Variants in LRBA observed in about 807,000 individuals in gnomAD.
LRBA encodes the protein LPS responsive beige-like anchor protein.
LRBA carries 176 observed loss-of-function variants against 330.0 expected under a neutral mutation model. The observed-to-expected ratio is 0.53, with a 90% CI of 0.47 to 0.60. The LOEUF is 0.60. LRBA is among the 20% of genes least tolerant of loss of function. LRBA has a pLI of 0.00. For missense variants in LRBA, 3,259 were observed against 3,444.8 expected (o/e 0.95, Z 1.35); for synonymous variants, 1,230 against 1,193.0 (o/e 1.03, Z -0.64).
At chr4:150,943,459 C>T (rs1735894115) in intron 2 of LRBA, among the ~76,000 whole-genome samples, 1 of 152,152 alleles carries the variant, frequency 6.6e-6, no homozygotes, top group Non-Finnish European at 1.5e-5. Context: ...GATGATGTAA[C>T]ATATTTATGT....
At chr4:150,544,550 C>T (rs1765659270) in intron 40 of LRBA, among the ~76,000 whole-genome samples, 1 of 152,182 alleles carries the variant, frequency 6.6e-6, no homozygotes, top group African/African-American at 2.4e-5. Context: ...TCCCTGACCC[C>T]CAAATAGATT....
chr4:150,809,861 ATACGATACGATACG>A (rs1411799348), intron 31 of LRBA, among the ~76,000 whole-genome samples: 1 of 13,558 alleles, frequency 7.4e-5, no homozygotes, highest in African/African-American at 3.4e-4. Context: ...ATACGATACG[ATACGATACGATACG>A]ATACGATACG....
intron 37 of LRBA, among the ~76,000 whole-genome samples, chr4:150,630,741 C>G (rs1777294901): frequency 6.6e-6 from 1 of 152,064 alleles, no homozygotes; most frequent in Admixed American, 6.6e-5. Context: ...TGCACTGCAA[C>G]AAGCTCTGAA....
Position 150,806,286 on chromosome 4 carries a change from G to T in LRBA, c.5503C>A (p.Leu1835Ile). The T allele has an allele frequency of 1.3e-6, 2 of 1,588,622 alleles. No homozygotes were observed. The highest frequency in any genetic ancestry group is 4.6e-5 in the East Asian group (2 of 43,542). Residue 1835 changes from leucine to isoleucine, a missense_variant, in exon 33 of 57, where the codon CTT becomes ATT. Coordinates refer to ENST00000651943, the MANE Select transcript of LRBA (RefSeq NM_001364905.1). ...TLLGSHGQEL[L>I]IEGTSLVCMK... is the part of the protein sequence containing the mutation. ...AACCACTTACTTGTTCCTTCTATAA[G>T]CAGTTCTTGTCCATGGCTACCCAAA...
rs377014932 is a variant in LRBA at position 150,282,598 on chromosome 4, A to C, written c.8168T>G (p.Leu2723Trp). The C allele has an allele frequency of 3.1e-6, 5 of 1,613,990 alleles. No individual in the cohort carries two copies. Among genetic ancestry groups the C allele is most frequent in the Non-Finnish European group, 4.2e-6 (5 of 1,179,972 alleles). ...TTTCAGGCAGTTTTCAGGACCCTCC[A>C]AGGTCCTCAACAAGTCTCCATTCAT... The part of the protein sequence containing the change: ...HSMNGDLLRT[L>W]EGPENCLKPK... Residue 2723 changes from leucine to tryptophan, a missense_variant, in exon 55 of 57, where the codon TTG (leucine) becomes TGG (tryptophan). Transcript: ENST00000651943.
chr4:150,369,216 T>C (rs1170413744), intron 47 of LRBA, among the ~76,000 whole-genome samples: 1 of 152,194 alleles, frequency 6.6e-6, no homozygotes, highest in African/African-American at 2.4e-5. Flanking sequence ...CTTAATATAA[T>C]CTTGATGTCT....
intron 46 of LRBA, among the ~76,000 whole-genome samples, chr4:150,415,827 A>AC (rs1219368144): frequency 6.6e-6 from 1 of 152,196 alleles, no homozygotes; most frequent in Non-Finnish European, 1.5e-5. Flanking sequence ...TTCCTTCATG[A>AC]CATGTCTCAT....
chr4:151,015,553 C>T (rs1745321837), upstream of LRBA: 3 of 152,992 alleles, frequency 2.0e-5, no homozygotes, highest in Admixed American at 1.3e-4. Context: ...CCTGGCCCGC[C>T]CCGCCCCTGC....
At chr4:150,890,577 A>C (rs1729358213) in intron 17 of LRBA, among the ~76,000 whole-genome samples, 1 of 152,236 alleles carries the variant, frequency 6.6e-6, no homozygotes, top group Non-Finnish European at 1.5e-5. Context: ...TTTTGATTAA[A>C]GAGTAAGATT....
chr4:150,411,587 C>T (rs1747007374), intron 47 of LRBA, among the ~76,000 whole-genome samples: 1 of 152,066 alleles, frequency 6.6e-6, no homozygotes, highest in Non-Finnish European at 1.5e-5. Context: ...ACACTATATC[C>T]CTGTTCAACC....
intron 40 of LRBA, among the ~76,000 whole-genome samples, chr4:150,566,752 A>T (rs1769186872): frequency 6.6e-6 from 1 of 152,132 alleles, no homozygotes; most frequent in Non-Finnish European, 1.5e-5. Flanking sequence ...AAATACTCAC[A>T]ATCAAAATAT....
intron 35 of LRBA, among the ~76,000 whole-genome samples, chr4:150,758,497 T>C (rs1734614977): frequency 6.6e-6 from 1 of 151,984 alleles, no homozygotes; most frequent in African/African-American, 2.4e-5. Flanking sequence ...CCTCCTCTAC[T>C]GCTAGCAACC....
intron 40 of LRBA, among the ~76,000 whole-genome samples, chr4:150,499,310 G>A (rs952930508): frequency 6.6e-6 from 1 of 151,922 alleles, no homozygotes; most frequent in Non-Finnish European, 1.5e-5. Context: ...AAAAAGTTGT[G>A]ACAATAACAT....
At chr4:150,320,594 G>A (rs1432913334) in intron 50 of LRBA, among the ~76,000 whole-genome samples, 1 of 151,738 alleles carries the variant, frequency 6.6e-6, no homozygotes, top group Non-Finnish European at 1.5e-5. Flanking sequence ...ACTGCTTGAG[G>A]CCAGGAGTTC....
chr4:150,818,565 C>G (rs28712843), intron 30 of LRBA, among the ~76,000 whole-genome samples: 1 of 144,026 alleles, frequency 6.9e-6, no homozygotes, highest in African/African-American at 2.7e-5. Flanking sequence ...TGTGTGTGTG[C>G]GTGCACGAAT....
At chr4:150,277,103 A>G (rs1746881407) in intron 56 of LRBA, among the ~76,000 whole-genome samples, 1 of 152,192 alleles carries the variant, frequency 6.6e-6, no homozygotes, top group South Asian at 2.1e-4. Flanking sequence ...CATACAAAAG[A>G]ATGAGTTCAT....
intron 5 of LRBA, among the ~76,000 whole-genome samples, chr4:150,919,056 A>G (rs1732955108): frequency 6.6e-6 from 1 of 152,254 alleles, no homozygotes; most frequent in South Asian, 2.1e-4. Context: ...TATCCATACA[A>G]TATAATACCA....
At chr4:150,656,851 G>A (rs1780237656) in intron 37 of LRBA, among the ~76,000 whole-genome samples, 1 of 152,272 alleles carries the variant, frequency 6.6e-6, no homozygotes, top group Middle Eastern at 3.4e-3. Flanking sequence ...ATAAATAAAT[G>A]AGCATTATTC....
intron 12 of LRBA, 60 bp from the exon 13 acceptor site, chr4:150,906,050 G>T: frequency 2.0e-6 from 3 of 1,464,700 alleles, no homozygotes; most frequent in South Asian, 1.2e-5. Context: ...TGAATTACAG[G>T]CTGTCCCTAC....
Sources: allele counts gnomAD v4.1 joint callset (sites outside exome capture counted in the v4.1 genomes callset), GRCh38; gene constraint gnomAD v4.1.1; transcripts MANE v1.5; gene names NCBI Gene and HGNC (gene_info 2026-07-23, HGNC 2026-07-21).